PLCD3: variants seen among roughly 807,000 people sequenced by gnomAD.
PLCD3 encodes the protein phospholipase C delta 3.
Under a neutral mutation model 82.8 loss-of-function variants are expected in PLCD3, and 62 were observed. That is an observed-to-expected ratio of 0.75 (90% CI 0.61 to 0.93). The LOEUF (loss-of-function observed/expected upper bound fraction) is 0.93, where lower values mean the gene tolerates loss of function less well. PLCD3 is among the 40% of genes least tolerant of loss of function. The pLI is 0.00. For synonymous variants in PLCD3, 478 were observed against 471.8 expected (o/e 1.01, Z -0.17); for missense variants, 1,023 against 1,103.4 (o/e 0.93, Z 1.03).
In PLCD3 at chr17:45,115,353, C is replaced by T; in HGVS notation, c.1551G>A (p.Gln517=). The T allele has an allele frequency of 2.6e-6, 4 of 1,557,576 alleles. No individual in the cohort carries two copies. Among genetic ancestry groups the T allele is most frequent in the Non-Finnish European group, 3.5e-6 (4 of 1,151,878 alleles). ...CCATCCCAGCTCTCACCAGCCGCCT[C>T]TGCGCTGCAGCCTCCACCTCCTCTT... is the stretch of plus-strand genomic sequence containing the variant. ...EEEEEVEAAA[Q]RRLAKQISPE... is the part of the protein sequence containing the mutation. The change falls in exon 9 of 15, where the codon CAG becomes CAA. Residue 517 remains glutamine (Q), a synonymous_variant. Coordinates refer to ENST00000619929, the MANE Select transcript of PLCD3 (RefSeq NM_133373.5).
Position 45,120,933 on chromosome 17 carries a change from C to G in PLCD3, c.523G>C (p.Asp175His). 1 of 1,468,424 alleles carries G rather than the reference C, an allele frequency of 6.8e-7. No homozygotes were observed. Among genetic ancestry groups the G allele is most frequent in the Non-Finnish European group, 8.9e-7 (1 of 1,117,504 alleles). 91.0% of individuals were successfully genotyped at this position (1,468,424 alleles called of 1,614,324 possible). The stretch of plus-strand genomic sequence containing the variant: ...AGCCGCTCGCGCTGGCTCATGGCGT[C>G]CAGGCGCGCGCGGAGCTTGGTCAGA... ...RGLTKLRARL[D>H]AMSQRERLDH... The change falls in exon 3 of 15, where the codon GAC becomes CAC. Residue 175 changes from aspartate (D) to histidine (H), a missense_variant. Asp to His is a moderately conservative substitution (Grantham distance 81, BLOSUM62 -1). Transcript: ENST00000619929.
chr17:45,121,175 A>T (rs1416480568), intron 2 of PLCD3, 36 bp downstream of exon 2: 2 of 1,540,026 alleles, frequency 1.3e-6, no homozygotes, highest in East Asian at 2.4e-5. Context: ...GCCTGTCCCC[A>T]CCTCCCTGTC....
chr17:45,127,247 T>C (rs1285795041), intron 1 of PLCD3, among the ~76,000 whole-genome samples: 2 of 152,174 alleles, frequency 1.3e-5, no homozygotes, highest in Non-Finnish European at 2.9e-5. Context: ...CTTAGTCCCA[T>C]GGCCTCCAGG....
chr17:45,113,000 CG>C lies in PLCD3; in HGVS notation c.2143del (p.Arg715AlafsTer44). On this transcript the variant is annotated frameshift_variant, in exon 14 of 15. Transcript: ENST00000619929. LOFTEE classifies it high-confidence loss of function. ...DYVLNNGFNP[R>X]WGQTLQFQLR... ...CTGGAACTGCAGGGTCTGCCCCCAG[CG>C]GGGGTTGAAGCCTAGGGCACAGGGA... The C allele has an allele frequency of 6.2e-7, 1 of 1,606,066 alleles. No homozygotes were observed. Among genetic ancestry groups the C allele is most frequent in the Non-Finnish European group, 8.5e-7 (1 of 1,175,268 alleles).
At position 45,114,255 on chromosome 17, in the gene PLCD3, T is replaced by G. The variant is rs551705599; in HGVS notation, c.1823A>C (p.Gln608Pro). ...TTCCTGTGGCCCCCACTTACCCAGC[T>G]GACAGCCCGAGTTCCACATCTCCTG... ...SPQEMWNSGC[Q>P]LVALNFQTPG... is the part of the protein sequence containing the mutation. Residue 608 changes from glutamine (Q) to proline (P), a missense_variant, in exon 11 of 15, where the codon CAG (glutamine) becomes CCG (proline). Gln to Pro is a moderately conservative substitution (Grantham distance 76). Transcript: ENST00000619929. The G allele has an allele frequency of 2.6e-6, 4 of 1,534,406 alleles. No homozygotes were observed. Among genetic ancestry groups the G allele is most frequent in the Admixed American group, 2.1e-5 (1 of 48,032 alleles).
At chr17:45,122,547 G>A (rs887621449) in intron 1 of PLCD3, among the ~76,000 whole-genome samples, 1 of 152,140 alleles carries the variant, frequency 6.6e-6, no homozygotes, top group African/African-American at 2.4e-5. Flanking sequence ...AAATTCCGAA[G>A]TCTGGGGAGT....
At position 45,113,210 on chromosome 17, in the gene PLCD3, G is replaced by A. The variant is rs1233449936; in HGVS notation, c.2043C>T (p.His681=). The A allele has an allele frequency of 1.2e-6, 2 of 1,611,244 alleles. No individual in the cohort carries two copies. The highest frequency in any genetic ancestry group is 1.7e-6 in the Non-Finnish European group (2 of 1,178,836). The change falls in exon 13 of 15, where the codon CAC becomes CAT. Residue 681 remains histidine (H), a synonymous_variant. Coordinates refer to ENST00000619929, the MANE Select transcript of PLCD3 (RefSeq NM_133373.5). ...QLPKLNAEKP[H]SIVDPLVRIE... ...TGCGCACCAGGGGGTCCACAATGGAGTGTGGCTTCTCGGCATTCAGCTTGG... is the reference window on the plus strand; with the variant it reads ...TGCGCACCAGGGGGTCCACAATGGAATGTGGCTTCTCGGCATTCAGCTTGG...
At chr17:45,128,685 A>G (rs2054399167) in intron 1 of PLCD3, among the ~76,000 whole-genome samples, 1 of 152,222 alleles carries the variant, frequency 6.6e-6, no homozygotes, top group African/African-American at 2.4e-5. Context: ...GGGCACAGGC[A>G]CACACGGGGC....
At chr17:45,120,838 T>A in intron 3 of PLCD3, 64 bp downstream of exon 3, 8 of 1,394,986 alleles carry the variant, frequency 5.7e-6, no homozygotes, top group Non-Finnish European at 7.5e-6. Flanking sequence ...TCTCCAAGGA[T>A]GGGGCTCTCC....
chr17:45,127,727 T>G (rs1350678203), intron 1 of PLCD3, among the ~76,000 whole-genome samples: 1 of 151,558 alleles, frequency 6.6e-6, no homozygotes, highest in African/African-American at 2.4e-5. Context: ...AGGGTGTGTG[T>G]GGGGTGTATG....
chr17:45,120,708 C>A (rs1017916378), intron 3 of PLCD3, among the ~76,000 whole-genome samples, 194 bp downstream of exon 3: 1 of 152,218 alleles, frequency 6.6e-6, no homozygotes, highest in African/African-American at 2.4e-5. Flanking sequence ...GCCACCCCTC[C>A]TGGTGGGAGC....
rs769061426 is a variant in PLCD3, at chr17:45,121,317, C to T, written c.219G>A (p.Lys73=). The change falls in exon 2 of 15, where the codon AAG becomes AAA. Residue 73 remains lysine, a synonymous_variant. Transcript: ENST00000619929. The stretch of plus-strand genomic sequence containing the variant: ...CCTTGTGCCACGTGCGCGAGCGGAT[C>T]TTGCGGAGCCGGGAGCCCCGCAGCA... The part of the protein sequence containing the change: ...RAMLRGSRLR[K]IRSRTWHKER... 3.2e-6 allele frequency: 5 copies of T among 1,564,430 alleles called. No individual in the cohort carries two copies. The Admixed American group carries it at 9.1e-5, about 29-fold the overall frequency.
At chr17:45,131,964 C>G (rs1806440622) in intron 1 of PLCD3, among the ~76,000 whole-genome samples, 1 of 152,206 alleles carries the variant, frequency 6.6e-6, no homozygotes, top group Admixed American at 6.5e-5. Context: ...CTCCATTCTC[C>G]TTGGAGACCC....
intron 1 of PLCD3, among the ~76,000 whole-genome samples, chr17:45,127,251 C>T (rs755893671): frequency 2.6e-4 from 40 of 152,336 alleles, no homozygotes; most frequent in Middle Eastern, 6.8e-3. Flanking sequence ...GTCCCATGGC[C>T]TCCAGGGGGT....
rs1194623602 is a variant in PLCD3, at chr17:45,120,951, T to G, written c.505A>C (p.Lys169Gln). 2.7e-6 allele frequency: 4 copies of G among 1,506,238 alleles called. No homozygotes were observed. Among genetic ancestry groups the G allele is most frequent in the African/African-American group, 1.4e-5 (1 of 70,122 alleles). 93.3% of individuals were successfully genotyped at this position (1,506,238 alleles called of 1,614,324 possible). ...EAQRWVRGLT[K>Q]LRARLDAMSQ... ...ATGGCGTCCAGGCGCGCGCGGAGCT[T>G]GGTCAGACCGCGCACCCAGCGCTGC... The change falls in exon 3 of 15, where the codon AAG becomes CAG. Residue 169 changes from lysine to glutamine, a missense_variant. This residue lies in a region of PLCD3 where 448 missense variants were observed against 406.3 expected (regional missense o/e 1.10). Coordinates refer to ENST00000619929, the MANE Select transcript of PLCD3 (RefSeq NM_133373.5).
chr17:45,120,644 G>A (rs1316201561), intron 3 of PLCD3, among the ~76,000 whole-genome samples, 190 bp from the exon 4 acceptor site: 1 of 152,168 alleles, frequency 6.6e-6, no homozygotes, highest in Non-Finnish European at 1.5e-5. Context: ...CCAAAGACAG[G>A]AGGCCCTGTC....
At chr17:45,120,224 AGG>A in intron 4 of PLCD3, 99 bp downstream of exon 4, 9 of 1,489,876 alleles carry the variant, frequency 6.0e-6, no homozygotes, top group Non-Finnish European at 8.2e-6. Flanking sequence ...AAAAAGCTGC[AGG>A]TGGAGAGGGC....
rs759571978 is a variant in PLCD3 at position 45,115,126 on chromosome 17, TC to T, written c.1678del (p.Glu560SerfsTer23). The T allele has an allele frequency of 6.2e-7, 1 of 1,602,290 alleles. No individual in the cohort carries two copies. The highest frequency in any genetic ancestry group is 1.1e-5 in the South Asian group (1 of 88,638). Reference protein sequence around the residue: ...PQPCQVSSLSERKAKKLIREA... With the variant: ...PQPCQVSSLSXRKAKKLIREA... ...CCGAATGAGTTTCTTGGCTTTGCGCTCGCTGAGGGAGCTGACCTGGCAGGGT... is the reference window on the plus strand; with the variant it reads ...CCGAATGAGTTTCTTGGCTTTGCGCTGCTGAGGGAGCTGACCTGGCAGGGT... On this transcript the variant is annotated frameshift_variant, in exon 10 of 15. Transcript: ENST00000619929. LOFTEE classifies it high-confidence loss of function.
chr17:45,120,769 G>A (rs1373271201), intron 3 of PLCD3, 133 bp downstream of exon 3: 2 of 1,142,902 alleles, frequency 1.7e-6, no homozygotes, highest in Non-Finnish European at 2.4e-6. Context: ...AAGACCAAGG[G>A]CTCCGACCCA....
Sources: gnomAD v4.1 joint callset for allele counts (sites outside exome capture counted in the v4.1 genomes callset) on GRCh38, gnomAD v4.1.1 for gene constraint, gnomAD v4.1.1 regional missense constraint, MANE v1.5 for transcripts, NCBI Gene and HGNC (gene_info 2026-07-23, HGNC 2026-07-21) for gene names.